INKA2: variants seen among roughly 807,000 people sequenced by gnomAD.
INKA2 encodes the protein PAK4-inhibitor INKA2.
INKA2 carries 3 observed loss-of-function variants against 9.8 expected under a neutral mutation model. That is an observed-to-expected ratio of 0.31 (90% CI 0.14 to 0.79). INKA2 has a LOEUF of 0.79. Among genes scored for constraint, INKA2 ranks in the 30% least tolerant of loss-of-function variants. The pLI, the probability that INKA2 is intolerant of heterozygous loss-of-function variation, is 0.62. For missense variants in INKA2, 392 were observed against 384.4 expected (o/e 1.02, Z -0.17); for synonymous variants, 147 against 143.3 (o/e 1.03, Z -0.18).
At chr1:111,731,317 G>C (rs921314240) in intron 1 of INKA2, among the ~76,000 whole-genome samples, 1 of 151,998 alleles carries the variant, frequency 6.6e-6, no homozygotes, top group Non-Finnish European at 1.5e-5. Flanking sequence ...TGTGTGACCT[G>C]GGCAAGTTAT....
upstream of INKA2, among the ~76,000 whole-genome samples, chr1:111,742,453 C>T (rs193207415): frequency 1.8e-3 from 274 of 152,184 alleles, 2 homozygotes; most frequent in Non-Finnish European, 2.7e-3. Flanking sequence ...GGTGCGGTGG[C>T]GGGCATCTGT....
chr1:111,741,750 C>T (rs1484211729), upstream of INKA2, among the ~76,000 whole-genome samples: 1 of 152,124 alleles, frequency 6.6e-6, no homozygotes, highest in Non-Finnish European at 1.5e-5. Context: ...TTGAGACAGC[C>T]TCACTCCCAG....
At position 111,725,353 on chromosome 1, in the gene INKA2, T is replaced by A. The variant is rs1208447020; in HGVS notation, c.*1615A>T. 6.6e-6 allele frequency: 1 copy of A among 152,170 alleles called. No homozygotes were observed. Among genetic ancestry groups the A allele is most frequent in the Non-Finnish European group, 1.5e-5 (1 of 68,050 alleles). 9.4% of individuals were successfully genotyped at this position (152,170 alleles called of 1,614,324 possible). ...AGCCCAAAAGAAGATCCACATTGTC[T>A]TTTCCCAGCCAGTGAGTGTTCCCTA... is the stretch of plus-strand genomic sequence containing the variant. On this transcript the variant is annotated 3_prime_UTR_variant, in exon 2 of 2. Coordinates refer to ENST00000357260, the MANE Select transcript of INKA2 (RefSeq NM_019099.5).
chr1:111,755,193 G>C (rs1454704380), intron 1 of INKA2: 1 of 136,812 alleles, frequency 7.3e-6, no homozygotes, highest in African/African-American at 2.8e-5. Context: ...CATGGAGGCA[G>C]ATGGATGCAC....
intron 1 of INKA2, among the ~76,000 whole-genome samples, chr1:111,733,375 A>AC (rs1334202390): frequency 6.6e-6 from 1 of 151,988 alleles, no homozygotes; most frequent in Non-Finnish European, 1.5e-5. Flanking sequence ...GAGGCCTGGG[A>AC]CCCCAAGGCT....
chr1:111,740,301 G>A (rs896710451), upstream of INKA2, among the ~76,000 whole-genome samples: 3 of 152,206 alleles, frequency 2.0e-5, no homozygotes, highest in African/African-American at 7.2e-5. Context: ...TTATTCAAAA[G>A]GAGCCGGGCG....
chr1:111,734,577 A>G (rs1478909886), intron 1 of INKA2, among the ~76,000 whole-genome samples: 1 of 152,112 alleles, frequency 6.6e-6, no homozygotes, highest in Admixed American at 6.5e-5. Context: ...ACTCTTTAGC[A>G]TGACATCCAG....
chr1:111,727,643 C>A lies in INKA2; in HGVS notation c.219G>T (p.Gln73His). Residue 73 changes from glutamine to histidine, a missense_variant, in exon 2 of 2, where the codon CAG becomes CAT. By Grantham distance (24) the Gln-to-His change is conservative. Coordinates refer to ENST00000357260, the MANE Select transcript of INKA2 (RefSeq NM_019099.5). ...CACCCTCCCAACAAGGGTGCTCGCACTGGGTCCTGGGACCTTCAGGGCTGC... is the reference window on the plus strand; with the variant it reads ...CACCCTCCCAACAAGGGTGCTCGCAATGGGTCCTGGGACCTTCAGGGCTGC... ...VPGSPEGPRT[Q>H]CEHPCWEGGR... The A allele has an allele frequency of 6.2e-7, 1 of 1,608,464 alleles. No homozygotes were observed.
intron 1 of INKA2, chr1:111,746,915 C>A (rs1045586055): frequency 3.9e-5 from 6 of 152,202 alleles, no homozygotes; most frequent in Admixed American, 3.9e-4. Context: ...TGGCTTTGGA[C>A]AAGTAATTTA....
upstream of INKA2, chr1:111,740,113 T>G (rs1014000117): frequency 6.6e-6 from 1 of 152,288 alleles, no homozygotes; most frequent in Non-Finnish European, 1.5e-5. Flanking sequence ...GCACGGTAAT[T>G]TCAGACAATG....
chr1:111,752,905 A>G (rs988995758), intron 1 of INKA2, among the ~76,000 whole-genome samples: 1 of 151,998 alleles, frequency 6.6e-6, no homozygotes, highest in Non-Finnish European at 1.5e-5. Flanking sequence ...TCACCATGTT[A>G]GCCAGGATGG....
At chr1:111,744,142 A>C (rs1663207940), upstream of INKA2, among the ~76,000 whole-genome samples, 1 of 152,216 alleles carries the variant, frequency 6.6e-6, no homozygotes, top group Admixed American at 6.5e-5. Flanking sequence ...CACCTTAGAC[A>C]CAGGACTGGG....
intron 1 of INKA2, among the ~76,000 whole-genome samples, chr1:111,738,313 G>C (rs947652563): frequency 2.6e-5 from 4 of 152,024 alleles, no homozygotes; most frequent in African/African-American, 9.7e-5. Flanking sequence ...GGCGGGGGCA[G>C]TGGTATATGA....
intron 1 of INKA2, among the ~76,000 whole-genome samples, chr1:111,736,734 GA>G (rs1373390065): frequency 6.6e-6 from 1 of 152,186 alleles, no homozygotes; most frequent in African/African-American, 2.4e-5. Flanking sequence ...CCTAGCTCAT[GA>G]CAGAAACCAA....
intron 1 of INKA2, chr1:111,755,672 C>G: frequency 6.2e-7 from 1 of 1,613,026 alleles, no homozygotes; most frequent in Non-Finnish European, 8.5e-7. Context: ...GCCCGCGGCG[C>G]CCTCTGCAGG....
Position 111,726,681 on chromosome 1 carries a change from A to G in INKA2, c.*287T>C. 1 of 411,570 alleles carries G rather than the reference A, an allele frequency of 2.4e-6. No individual in the cohort carries two copies. The highest frequency in any genetic ancestry group is 3.5e-5 in the South Asian group (1 of 28,684). 25.5% of individuals were successfully genotyped at this position (411,570 alleles called of 1,614,324 possible). ...TACTGTCACCTCCAGCCCCAAAGTG[A>G]GTGCATGCATGCCAGACAGACACAC... is the stretch of plus-strand genomic sequence containing the variant. On this transcript the variant is annotated 3_prime_UTR_variant, in exon 2 of 2. Coordinates refer to ENST00000357260, the MANE Select transcript of INKA2 (RefSeq NM_019099.5).
chr1:111,727,610 A>ACCTCTGCC lies in INKA2; in HGVS notation c.244_251dup (p.Pro85AlafsTer35). ...GGGAACAGACTGTGGGCCTGGCAGG[A>ACCTCTGCC]CCTCTGCCACCCTCCCAACAAGGGT... On this transcript the variant is annotated frameshift_variant, in exon 2 of 2. Transcript: ENST00000357260. LOFTEE classifies it low-confidence loss of function (END_TRUNC). 1 of 1,608,900 alleles carries ACCTCTGCC rather than the reference A, an allele frequency of 6.2e-7. No individual in the cohort carries two copies. Among genetic ancestry groups the ACCTCTGCC allele is most frequent in the Non-Finnish European group, 8.5e-7 (1 of 1,177,184 alleles).
exon 1 of INKA2, chr1:111,755,747 C>T (rs1368632275): frequency 1.2e-6 from 2 of 1,613,938 alleles, no homozygotes; most frequent in Admixed American, 3.3e-5. Context: ...TTTCCTCAGG[C>T]CACATTTTTT....
intron 1 of INKA2, chr1:111,747,352 G>T (rs980816436): frequency 1.3e-5 from 2 of 152,238 alleles, no homozygotes; most frequent in Non-Finnish European, 2.9e-5. Context: ...CTCAGGTTAT[G>T]CATAGTGACC....
Sources: gnomAD v4.1 joint callset for allele counts (sites outside exome capture counted in the v4.1 genomes callset) on GRCh38, gnomAD v4.1.1 for gene constraint, MANE v1.5 for transcripts, NCBI Gene and HGNC (gene_info 2026-07-23, HGNC 2026-07-21) for gene names.